The following BPTF variants were observed in gnomAD, a reference collection of about 807,000 sequenced individuals.
BPTF encodes nucleosome-remodeling factor subunit BPTF.
BPTF carries 18 observed loss-of-function variants against 292.5 expected under a neutral mutation model. That is an observed-to-expected ratio of 0.06 (90% CI 0.04 to 0.09). The LOEUF (loss-of-function observed/expected upper bound fraction) is 0.09. BPTF is among the 10% of genes least tolerant of loss of function. The pLI is 1.00. For missense variants in BPTF, 2,726 were observed against 3,498.7 expected, an observed-to-expected ratio of 0.78 and a Z score of 5.57; for synonymous variants, 1,225 against 1,251.9, an observed-to-expected ratio of 0.98 and a Z score of 0.45.
chr17:67,874,764 T>A (rs927495466), intron 3 of BPTF, 53 bp from the exon 4 acceptor site: 1 of 1,216,682 alleles, frequency 8.2e-7, no homozygotes, highest in African/African-American at 1.5e-5. Flanking sequence ...TGTGGTACTG[T>A]TCTATTTGGT....
intron 2 of BPTF, among the ~76,000 whole-genome samples, chr17:67,857,412 G>A (rs190401206): frequency 1.1e-3 from 160 of 150,862 alleles, no homozygotes; most frequent in African/African-American, 3.6e-3. Context: ...TGTCTGCCTC[G>A]GCCTCCCAAA....
intron 1 of BPTF, among the ~76,000 whole-genome samples, chr17:67,845,023 A>G (rs754385647): frequency 5.3e-5 from 8 of 152,258 alleles, no homozygotes; most frequent in Non-Finnish European, 1.2e-4. Flanking sequence ...GATTACAGGC[A>G]TGAGCCACTG....
rs2056034492 is a variant in BPTF at position 67,826,390 on chromosome 17, C to T, written c.613+53C>T. 3.9e-6 allele frequency: 6 copies of T among 1,524,762 alleles called. No individual in the cohort carries two copies. The Admixed American group carries it at 9.3e-5, about 24-fold the overall frequency. 94.5% of individuals were successfully genotyped at this position (1,524,762 alleles called of 1,614,324 possible). On this transcript the variant is annotated intron_variant, in intron 1 of 27. Coordinates refer to ENST00000306378, the MANE Select transcript of BPTF (RefSeq NM_182641.4). ...CTCCTTCCCCACCTCCTCTGCCCTC[C>T]CCCCTTGCTCACTCGTGTGCTGTGC...
chr17:67,866,905 G>A (rs1290942318), intron 3 of BPTF, among the ~76,000 whole-genome samples: 1 of 152,176 alleles, frequency 6.6e-6, no homozygotes, highest in Non-Finnish European at 1.5e-5. Context: ...AGGTTATACG[G>A]CATAGCCTGT....
intron 1 of BPTF, among the ~76,000 whole-genome samples, chr17:67,828,817 C>T (rs549107342): frequency 1.4e-4 from 21 of 152,334 alleles, no homozygotes; most frequent in African/African-American, 4.3e-4. Flanking sequence ...CATGAGCTAC[C>T]GTGCCTGGTC....
At chr17:67,875,422 T>C in intron 4 of BPTF, 1 of 530,810 alleles carries the variant, frequency 1.9e-6, no homozygotes, top group South Asian at 4.8e-5. Context: ...TATCCGAGAA[T>C]CTACTTGCTT....
intron 1 of BPTF, among the ~76,000 whole-genome samples, chr17:67,848,282 G>T (rs1471579926): frequency 2.0e-5 from 3 of 152,096 alleles, no homozygotes; most frequent in Non-Finnish European, 4.4e-5. Context: ...TCTGCCCTCG[G>T]CAGGTAGTTT....
intron 23 of BPTF, among the ~76,000 whole-genome samples, chr17:67,959,244 C>A (rs1006652216): frequency 2.0e-5 from 3 of 151,734 alleles, no homozygotes; most frequent in Admixed American, 6.6e-5. Flanking sequence ...CCAGATGGGA[C>A]AGGGGCAAGC....
chr17:67,826,002 G>A lies in BPTF; in HGVS notation c.278G>A (p.Gly93Glu). 8.6e-7 allele frequency: 1 copy of A among 1,158,684 alleles called. No individual in the cohort carries two copies. The highest frequency in any genetic ancestry group is 1.1e-6 in the Non-Finnish European group (1 of 940,164). 71.8% of individuals were successfully genotyped at this position (1,158,684 alleles called of 1,614,324 possible). A position where few individuals can be genotyped will look rare whatever the true frequency, so the allele number is the denominator to read the frequency against. ...APPSTSAPGRGGRGGGGGRTG... is the reference protein window; with the variant it reads ...APPSTSAPGREGRGGGGGRTG... ...CCCAGCACCAGCGCCCCGGGCCGGG[G>A]GGGGCGAGGAGGCGGGGGCGGCAGG... The change falls in exon 1 of 28, where the codon GGG (glycine) becomes GAG (glutamate). Residue 93 changes from glycine (G) to glutamate (E), a missense_variant. This residue lies in a region of BPTF where 103 missense variants were observed against 72.1 expected (regional missense o/e 1.43). Transcript: ENST00000306378.
intron 4 of BPTF, among the ~76,000 whole-genome samples, chr17:67,878,096 T>C (rs1055208510): frequency 6.6e-6 from 1 of 152,238 alleles, no homozygotes; most frequent in African/African-American, 2.4e-5. Flanking sequence ...CTGACTTCTA[T>C]CACCACTGAT....
At chr17:67,981,207 G>C (rs1420622367) in intron 27 of BPTF, among the ~76,000 whole-genome samples, 8 of 152,056 alleles carry the variant, frequency 5.3e-5, no homozygotes, top group Non-Finnish European at 4.4e-5. Flanking sequence ...GTTGTATAAG[G>C]GCAACTTGCT....
chr17:67,910,623 A>T, intron 10 of BPTF, among the ~76,000 whole-genome samples: 1 of 151,122 alleles, frequency 6.6e-6, no homozygotes, highest in African/African-American at 2.5e-5. Flanking sequence ...AACATTGCGA[A>T]ACCCTGTCTC....
intron 1 of BPTF, among the ~76,000 whole-genome samples, chr17:67,842,417 A>C (rs1479164596): frequency 6.6e-6 from 1 of 152,032 alleles, no homozygotes; most frequent in Non-Finnish European, 1.5e-5. Context: ...ACTTTCCCCT[A>C]ATTATCAGTT....
chr17:67,944,619 G>C (rs2065655171), intron 20 of BPTF: 1 of 523,888 alleles, frequency 1.9e-6, no homozygotes, highest in African/African-American at 1.9e-5. Context: ...CAAAAATAAT[G>C]GTTATCTTGG....
chr17:67,922,717 T>C, intron 13 of BPTF, 123 bp from the exon 14 acceptor site: 1 of 1,043,198 alleles, frequency 9.6e-7, no homozygotes, highest in South Asian at 1.7e-5. Flanking sequence ...GCTGAGTAGC[T>C]GCAGCAGAGA....
chr17:67,873,699 T>C (rs2059890249), intron 3 of BPTF, among the ~76,000 whole-genome samples: 1 of 152,136 alleles, frequency 6.6e-6, no homozygotes, highest in Non-Finnish European at 1.5e-5. Context: ...TACAGACACA[T>C]AGGCATTCAC....
At chr17:67,836,798 A>T (rs2057167459) in intron 1 of BPTF, among the ~76,000 whole-genome samples, 1 of 152,216 alleles carries the variant, frequency 6.6e-6, no homozygotes, top group African/African-American at 2.4e-5. Flanking sequence ...TCAGTAAGTT[A>T]CTCATTTCTC....
At chr17:67,850,280 A>C (rs1440319957) in intron 1 of BPTF, among the ~76,000 whole-genome samples, 1 of 152,232 alleles carries the variant, frequency 6.6e-6, no homozygotes, top group Non-Finnish European at 1.5e-5. Context: ...CTACTAGTTC[A>C]TGTATGTATT....
chr17:67,940,328 G>A lies in BPTF; in HGVS notation c.6260-111G>A, dbSNP rs1413356907. ...GTATCCTTAGGCTCTGAATATCCCA[G>A]TGTTTTTTTGAAGATGGAAAAGAAT... is the stretch of plus-strand genomic sequence containing the variant. On this transcript the variant is annotated intron_variant, in intron 18 of 27. Coordinates refer to ENST00000306378, the MANE Select transcript of BPTF (RefSeq NM_182641.4). The A allele has an allele frequency of 3.1e-6, 3 of 978,104 alleles. No individual in the cohort carries two copies. In the African/African-American group the frequency reaches 4.9e-5, roughly 16 times the overall value. The allele number at this position is 978,104 out of a possible 1,614,324, so 60.6% of individuals were successfully genotyped here.
Sources: gnomAD v4.1 joint callset for allele counts (sites outside exome capture counted in the v4.1 genomes callset) on GRCh38, gnomAD v4.1.1 for gene constraint, gnomAD v4.1.1 regional missense constraint, MANE v1.5 for transcripts, NCBI Gene and HGNC (gene_info 2026-07-23, HGNC 2026-07-21) for gene names.